The following CYP4F12 variants were observed in gnomAD, a reference collection of about 807,000 sequenced individuals.
The protein encoded by CYP4F12 is cytochrome P450 4F12.
A neutral mutation model predicts 56.5 loss-of-function variants in CYP4F12; 60 were observed. The ratio of observed to expected loss-of-function variants is 1.06; its 90% CI spans 0.86 to 1.32. The LOEUF (loss-of-function observed/expected upper bound fraction) is 1.32. Among genes scored for constraint, CYP4F12 ranks in the 40% most tolerant of loss-of-function variants. The pLI is 0.00. For synonymous variants in CYP4F12, 263 were observed against 264.9 expected, an observed-to-expected ratio of 0.99 and a Z score of 0.07; for missense variants, 711 against 683.5, an observed-to-expected ratio of 1.04 and a Z score of -0.45.
intron 12 of CYP4F12, 54 bp from the exon 13 acceptor site, chr19:15,696,854 T>A: frequency 6.4e-7 from 1 of 1,557,000 alleles, no homozygotes; most frequent in Admixed American, 1.8e-5. Context: ...CCTGGGTTGA[T>A]GGGACCCAAA....
At chr19:15,684,792 G>GT (rs980860100) in intron 7 of CYP4F12, 24 bp from the exon 8 acceptor site, 7 of 1,252,436 alleles carry the variant, frequency 5.6e-6, no homozygotes, top group Non-Finnish European at 5.8e-6. Flanking sequence ...GTGTGTGTGT[G>GT]TGTGTGTCTT....
intron 8 of CYP4F12, 41 bp from the exon 9 acceptor site, chr19:15,685,027 C>G: frequency 6.2e-7 from 1 of 1,601,590 alleles, no homozygotes; most frequent in Non-Finnish European, 8.5e-7. Context: ...GCGCTGTCCA[C>G]CCTCCGGTGC....
chr19:15,677,111 G>A (rs62640400), intron 2 of CYP4F12, among the ~76,000 whole-genome samples: 23 of 9,104 alleles, frequency 2.5e-3, no homozygotes, highest in East Asian at 6.0e-3. Flanking sequence ...TCATTCCTCT[G>A]CTCACTCACT....
In CYP4F12 at chr19:15,696,145, C is replaced by A; in HGVS notation, c.1250-16C>A. 6.2e-7 allele frequency: 1 copy of A among 1,613,180 alleles called. No homozygotes were observed. The highest frequency in any genetic ancestry group is 8.5e-7 in the Non-Finnish European group (1 of 1,179,454). Reference sequence around the variant, plus strand: ...TCAGGGGATCCTTGTCCTGACTGCCCCTTTCTCTCCCACAGGCATTACCTG... The same window carrying A: ...TCAGGGGATCCTTGTCCTGACTGCCACTTTCTCTCCCACAGGCATTACCTG... On this transcript the variant is annotated splice_polypyrimidine_tract_variant and intron_variant, in intron 10 of 12. Transcript: ENST00000550308.
At chr19:15,686,404 A>C (rs2007606739) in intron 9 of CYP4F12, among the ~76,000 whole-genome samples, 1 of 152,168 alleles carries the variant, frequency 6.6e-6, no homozygotes, top group Non-Finnish European at 1.5e-5. Context: ...AAAATGCAAA[A>C]AGAGGGAGCA....
At position 15,696,990 on chromosome 19, in the gene CYP4F12, G is replaced by C. The variant is rs756704779; in HGVS notation, c.1480G>C (p.Asp494His). ...LMLLHFRFLP[D>H]HTEPRRKLEL... ...GCTGCTGCACTTCCGGTTCCTGCCA[G>C]ACCACACTGAGCCCCGCAGGAAGCT... Residue 494 changes from aspartate (D) to histidine (H), a missense_variant, in exon 13 of 13, where the codon GAC (aspartate) becomes CAC (histidine). By Grantham distance (81) the Asp-to-His change is moderately conservative. Transcript: ENST00000550308. 17 of 1,614,142 alleles carry C rather than the reference G, an allele frequency of 1.1e-5. No homozygotes were observed. Among genetic ancestry groups the C allele is most frequent in the African/African-American group, 1.3e-5 (1 of 74,960 alleles).
intron 1 of CYP4F12, 103 bp from the exon 2 acceptor site, chr19:15,673,426 C>A: frequency 1.5e-6 from 2 of 1,351,866 alleles, no homozygotes; most frequent in African/African-American, 1.4e-5. Flanking sequence ...CCTGAGCCCT[C>A]CCTGCCCTGC....
Position 15,695,935 on chromosome 19 carries a change from G to C in CYP4F12, c.1116-1G>C. 6.2e-7 allele frequency: 1 copy of C among 1,612,354 alleles called. No homozygotes were observed. Among genetic ancestry groups the C allele is most frequent in the Non-Finnish European group, 8.5e-7 (1 of 1,179,466 alleles). On this transcript the variant is annotated splice_acceptor_variant, in intron 9 of 12. Transcript: ENST00000550308. LOFTEE classifies it high-confidence loss of function. ...TGACTGGGGCTGGGGTGTTTCCTTA[G>C]GGACGACCTGGCCCAGCTGCCCTTC...
rs1263488508 is a variant in CYP4F12 at position 15,696,242 on chromosome 19, T to C, written c.1314+17T>C. The stretch of plus-strand genomic sequence containing the variant: ...GATCCTGAGGTGCTGCCTTCCCCAT[T>C]CACCACCACCACCCCCATCCTCTAC... On this transcript the variant is annotated intron_variant, in intron 11 of 12. Coordinates refer to ENST00000550308, the MANE Select transcript of CYP4F12 (RefSeq NM_023944.4). 8 of 1,613,578 alleles carry C rather than the reference T, an allele frequency of 5.0e-6. No homozygotes were observed. The highest frequency in any genetic ancestry group is 4.5e-5 in the East Asian group (2 of 44,866).
rs201073886 is a variant in CYP4F12, at chr19:15,680,414, C to T, written c.420C>T (p.Gly140=). ...PWLGEGILLS[G]GDKWSRHRRM... ...TAGGAGAAGGGATACTGCTGAGTGG[C>T]GGTGACAAGTGGAGCCGCCACCGTC... The change falls in exon 5 of 13, where the codon GGC becomes GGT. Residue 140 remains glycine (G), a synonymous_variant. Transcript: ENST00000550308. 50 of 1,613,784 alleles carry T rather than the reference C, an allele frequency of 3.1e-5. No homozygotes were observed. Among genetic ancestry groups the T allele is most frequent in the South Asian group, 2.3e-4 (21 of 91,064 alleles).
intron 12 of CYP4F12, 152 bp from the exon 13 acceptor site, chr19:15,696,756 A>C: frequency 5.2e-6 from 6 of 1,156,954 alleles, no homozygotes; most frequent in Non-Finnish European, 4.8e-6. Flanking sequence ...CGGGACATAC[A>C]AGCCCACATG....
chr19:15,682,025 A>G (rs1181581112), intron 5 of CYP4F12: 5 of 207,098 alleles, frequency 2.4e-5, no homozygotes, highest in African/African-American at 1.1e-4. Context: ...CCAGGAAGTG[A>G]GCTAGGACTG....
At chr19:15,692,412 C>T (rs2007913141) in intron 9 of CYP4F12, among the ~76,000 whole-genome samples, 1 of 152,048 alleles carries the variant, frequency 6.6e-6, no homozygotes, top group South Asian at 2.1e-4. Context: ...TGACTAGTAT[C>T]TTTTCTTTTA....
rs1446468400 is a variant in CYP4F12 at position 15,696,978 on chromosome 19, C to T, written c.1468C>T (p.Arg490Trp). 6.2e-6 allele frequency: 10 copies of T among 1,614,226 alleles called. No individual in the cohort carries two copies. In the African/African-American group the frequency reaches 9.3e-5, roughly 15 times the overall value. ...CCTGGCGTTGATGCTGCTGCACTTC[C>T]GGTTCCTGCCAGACCACACTGAGCC... ...VVLALMLLHFRFLPDHTEPRR... is the reference protein window; with the variant it reads ...VVLALMLLHFWFLPDHTEPRR... The change falls in exon 13 of 13, where the codon CGG becomes TGG. Residue 490 changes from arginine (R) to tryptophan (W), a missense_variant. Physicochemically the swap from Arg to Trp is moderately radical, Grantham distance 101 (BLOSUM62 -3). Transcript: ENST00000550308.
chr19:15,694,606 T>C lies in CYP4F12; in HGVS notation c.1116-1330T>C, dbSNP rs1253716729. On this transcript the variant is annotated intron_variant, in intron 9 of 12. Coordinates refer to ENST00000550308, the MANE Select transcript of CYP4F12 (RefSeq NM_023944.4). ...GATTTTGGGCTGAGACAATGGGGTT[T>C]TCTAGATATACAATCATGTCATCTG... Among the ~76,000 whole-genome samples, 6 of 152,308 alleles carry C rather than the reference T, an allele frequency of 3.9e-5. No individual in the cohort carries two copies. The South Asian group carries it at 1.2e-3, about 32-fold the overall frequency.
chr19:15,682,538 T>C lies in CYP4F12; in HGVS notation c.647+28T>C, dbSNP rs566641722. ...GAGTTCCTTCCTAGGGCCTGGGATA[T>C]GAATCCATGGACCAAAGGGAGAAAG... On this transcript the variant is annotated intron_variant, in intron 6 of 12. Coordinates refer to ENST00000550308, the MANE Select transcript of CYP4F12 (RefSeq NM_023944.4). 25 of 1,611,098 alleles carry C rather than the reference T, an allele frequency of 1.6e-5. No homozygotes were observed. The South Asian group carries it at 2.5e-4, about 16-fold the overall frequency.
At chr19:15,679,359 C>T (rs1373676748) in intron 3 of CYP4F12, among the ~76,000 whole-genome samples, 1 of 152,240 alleles carries the variant, frequency 6.6e-6, no homozygotes, top group Admixed American at 6.5e-5. Flanking sequence ...CTTAATTTCA[C>T]CATTTCTCTG....
chr19:15,677,664 A>G (rs200590988), intron 2 of CYP4F12, among the ~76,000 whole-genome samples: 56 of 1,126 alleles, frequency 0.05, 25 homozygotes, highest in Admixed American at 0.089. Flanking sequence ...TCACTCACTC[A>G]TTCCTCTCCT....
chr19:15,690,704 A>G (rs1223483761), intron 9 of CYP4F12, among the ~76,000 whole-genome samples: 1 of 152,208 alleles, frequency 6.6e-6, no homozygotes, highest in Admixed American at 6.5e-5. Context: ...TATATACACC[A>G]CACGGAAAAT....
Sources: allele counts gnomAD v4.1 joint callset (sites outside exome capture counted in the v4.1 genomes callset), GRCh38; gene constraint gnomAD v4.1.1; transcripts MANE v1.5; gene names NCBI Gene and HGNC (gene_info 2026-07-23, HGNC 2026-07-21).